TRPM3: variants seen among roughly 807,000 people sequenced by gnomAD.
TRPM3 encodes long transient receptor potential channel 3.
TRPM3 carries 77 observed loss-of-function variants against 181.2 expected under a neutral mutation model. The ratio of observed to expected loss-of-function variants is 0.42; its 90% CI spans 0.35 to 0.51. TRPM3 has a LOEUF of 0.51. TRPM3 is among the 20% of genes least tolerant of loss of function. The probability of loss-of-function intolerance (pLI) is 0.01; values close to 1 mark genes in which losing one functional copy is unlikely to be tolerated. For missense variants in TRPM3, 1,759 were observed against 2,196.7 expected (o/e 0.80, Z 3.98); for synonymous variants, 745 against 796.4 (o/e 0.94, Z 1.09).
At chr9:70,992,155 C>T (rs1391637916) in intron 1 of TRPM3, among the ~76,000 whole-genome samples, 2 of 152,202 alleles carry the variant, frequency 1.3e-5, no homozygotes, top group South Asian at 4.1e-4. Flanking sequence ...CCTTGTACCA[C>T]TTGTGCTACA....
chr9:70,845,214 C>T (rs1032766884), intron 4 of TRPM3, among the ~76,000 whole-genome samples: 1 of 152,076 alleles, frequency 6.6e-6, no homozygotes, highest in Non-Finnish European at 1.5e-5. Flanking sequence ...ACTACGAATG[C>T]AAAATTAAGC....
At chr9:70,815,373 G>T (rs2092598750) in intron 6 of TRPM3, among the ~76,000 whole-genome samples, 1 of 151,950 alleles carries the variant, frequency 6.6e-6, no homozygotes, top group African/African-American at 2.4e-5. Flanking sequence ...TGAATTCCTA[G>T]AAGTAAAATT....
intron 1 of TRPM3, among the ~76,000 whole-genome samples, chr9:71,003,821 T>C (rs759410549): frequency 1.3e-5 from 2 of 150,608 alleles, no homozygotes; most frequent in Non-Finnish European, 1.5e-5. Flanking sequence ...CTGAATTCAA[T>C]AGAACTCAAG....
intron 1 of TRPM3, among the ~76,000 whole-genome samples, chr9:71,169,004 G>T (rs2076702270): frequency 6.6e-6 from 1 of 152,134 alleles, no homozygotes; most frequent in South Asian, 2.1e-4. Flanking sequence ...AGCAAGCAAT[G>T]TAAGAGCACA....
At chr9:70,985,332 G>A (rs10868938) in intron 1 of TRPM3, among the ~76,000 whole-genome samples, 60,944 of 151,914 alleles carry the variant, frequency 0.4, 13,131 homozygotes, top group Admixed American at 0.49. Flanking sequence ...TTCTTGTTGG[G>A]TATGTTTGGT....
intron 1 of TRPM3, among the ~76,000 whole-genome samples, chr9:70,969,825 T>G (rs2097222659): frequency 6.7e-6 from 1 of 148,290 alleles, no homozygotes; most frequent in Admixed American, 6.9e-5. Flanking sequence ...ATGTTATATA[T>G]ATATTTAAGA....
At chr9:71,034,333 G>A (rs2057915488) in intron 1 of TRPM3, among the ~76,000 whole-genome samples, 1 of 151,996 alleles carries the variant, frequency 6.6e-6, no homozygotes. Context: ...AACTGAATAT[G>A]TTTCTTTAAA....
rs780564272 is a variant in TRPM3, at chr9:70,531,346, A to G, written c.*4607T>C. ...TTTTTTTTGTTTTTAATTTTTCAAA[A>G]CTGAACATAATCCCCATAGTAAGAA... On this transcript the variant is annotated 3_prime_UTR_variant, in exon 26 of 26. Coordinates refer to ENST00000677713, the MANE Select transcript of TRPM3 (RefSeq NM_001366145.2). 7.2e-5 allele frequency: 11 copies of G among 152,200 alleles called. No individual in the cohort carries two copies. Among genetic ancestry groups the G allele is most frequent in the Admixed American group, 7.2e-4 (11 of 15,278 alleles). 9.4% of individuals were successfully genotyped at this position (152,200 alleles called of 1,614,324 possible).
intron 1 of TRPM3, among the ~76,000 whole-genome samples, chr9:70,983,967 T>A (rs2097394281): frequency 6.6e-6 from 1 of 152,130 alleles, no homozygotes; most frequent in African/African-American, 2.4e-5. Context: ...AGAGTTCATT[T>A]TTATCGATGG....
chr9:70,831,962 A>AATATATATATATATATATATAT (rs71367232), intron 5 of TRPM3, among the ~76,000 whole-genome samples: 6 of 64,250 alleles, frequency 9.3e-5, no homozygotes, highest in South Asian at 5.5e-4. Flanking sequence ...GTACCCCATA[A>AATATATATATATATATATATAT]ATATATATAT....
chr9:71,250,680 C>T (rs1456779584), intron 1 of TRPM3, among the ~76,000 whole-genome samples: 3 of 152,282 alleles, frequency 2.0e-5, no homozygotes, highest in African/African-American at 7.2e-5. Flanking sequence ...GGAAATGACA[C>T]TGAACCTTTG....
At chr9:71,108,146 T>TTAA (rs1450444667) in intron 1 of TRPM3, among the ~76,000 whole-genome samples, 20 of 152,354 alleles carry the variant, frequency 1.3e-4, no homozygotes, top group Middle Eastern at 6.8e-3. Context: ...TCTAAGCCTC[T>TTAA]TAATCAGAAA....
In TRPM3 at chr9:70,615,970, T is replaced by C; in HGVS notation, c.2464A>G (p.Lys822Glu). 1.2e-6 allele frequency: 2 copies of C among 1,613,374 alleles called. No individual in the cohort carries two copies. The highest frequency in any genetic ancestry group is 2.2e-5 in the East Asian group (1 of 44,830). ...GGCTTCTCTGGTTCTTCTGCCTCCT[T>C]CTCTTGGAGGTGGATTTCCTGGGCC... ...SQAQEIHLQE[K>E]EAEEPEKPTK... Residue 822 changes from lysine (K) to glutamate (E), a missense_variant, in exon 18 of 26, where the codon AAG becomes GAG. Physicochemically the swap from Lys to Glu is moderately conservative, Grantham distance 56. Around this residue, in one of 8 missense-constraint regions of TRPM3, gnomAD observed 114 missense variants for 134.8 expected, o/e 0.85. Transcript: ENST00000677713.
chr9:71,348,607 T>A (rs1314750320), intron 1 of TRPM3, among the ~76,000 whole-genome samples: 1 of 152,106 alleles, frequency 6.6e-6, no homozygotes. Flanking sequence ...TCTCATTCTG[T>A]CACCTAGGCT....
At chr9:70,922,304 C>A (rs2096665789) in intron 1 of TRPM3, among the ~76,000 whole-genome samples, 1 of 152,118 alleles carries the variant, frequency 6.6e-6, no homozygotes, top group African/African-American at 2.4e-5. Flanking sequence ...AATCCTGTCC[C>A]CAGCCACACA....
At chr9:70,899,430 C>G (rs2132988619) in intron 1 of TRPM3, among the ~76,000 whole-genome samples, 1 of 152,048 alleles carries the variant, frequency 6.6e-6, no homozygotes, top group South Asian at 2.1e-4. Flanking sequence ...CTTTTCCTTA[C>G]TCATCTCTCA....
At chr9:71,126,275 T>C (rs1395818569), upstream of TRPM3, among the ~76,000 whole-genome samples, 1 of 152,188 alleles carries the variant, frequency 6.6e-6, no homozygotes. Flanking sequence ...TTTTACACTG[T>C]TGGTGGGAAT....
At chr9:71,279,331 C>T (rs2084511088) in intron 1 of TRPM3, among the ~76,000 whole-genome samples, 1 of 152,222 alleles carries the variant, frequency 6.6e-6, no homozygotes, top group Middle Eastern at 3.4e-3. Context: ...GATAGTTACA[C>T]AACGGAGCTC....
chr9:71,048,837 T>A (rs2059754854), intron 1 of TRPM3, among the ~76,000 whole-genome samples: 1 of 152,136 alleles, frequency 6.6e-6, no homozygotes, highest in South Asian at 2.1e-4. Flanking sequence ...GAGAGGAATA[T>A]CTGGATGTAT....
Sources: gnomAD v4.1 joint callset for allele counts (sites outside exome capture counted in the v4.1 genomes callset) on GRCh38, gnomAD v4.1.1 for gene constraint, gnomAD v4.1.1 regional missense constraint, MANE v1.5 for transcripts, NCBI Gene and HGNC (gene_info 2026-07-23, HGNC 2026-07-21) for gene names.